Variants in GRM5 observed in about 807,000 individuals in gnomAD.
GRM5 encodes metabotropic glutamate receptor 5.
Under a neutral mutation model 83.1 loss-of-function variants are expected in GRM5, and 19 were observed. The ratio of observed to expected loss-of-function variants is 0.23; its 90% CI spans 0.16 to 0.34. GRM5 has a LOEUF of 0.34. Among genes scored for constraint, GRM5 ranks in the 10% least tolerant of loss-of-function variants. The pLI, the probability that GRM5 is intolerant of heterozygous loss-of-function variation, is 1.00. For synonymous variants in GRM5, 675 were observed against 633.6 expected, an observed-to-expected ratio of 1.07 and a Z score of -0.98; for missense variants, 1,160 against 1,588.3, an observed-to-expected ratio of 0.73 and a Z score of 4.58.
intron 2 of GRM5, among the ~76,000 whole-genome samples, chr11:88,880,199 A>G (rs1431781574): frequency 2.0e-5 from 3 of 152,144 alleles, no homozygotes; most frequent in African/African-American, 4.8e-5. Context: ...GGCAGGGAAG[A>G]GAGAGAAAAG....
intron 8 of GRM5, among the ~76,000 whole-genome samples, chr11:88,559,707 G>A (rs1327380280): frequency 6.6e-6 from 1 of 152,098 alleles, no homozygotes; most frequent in Non-Finnish European, 1.5e-5. Flanking sequence ...TTTGAGTATT[G>A]AGTATGTGAT....
intron 4 of GRM5, among the ~76,000 whole-genome samples, chr11:88,632,172 C>T (rs922577777): frequency 6.6e-6 from 1 of 151,610 alleles, no homozygotes; most frequent in Non-Finnish European, 1.5e-5. Flanking sequence ...CAGGCAACCA[C>T]TGATTTGCTT....
At chr11:88,525,820 A>C (rs1941860874) in intron 8 of GRM5, among the ~76,000 whole-genome samples, 1 of 152,230 alleles carries the variant, frequency 6.6e-6, no homozygotes, top group Non-Finnish European at 1.5e-5. Context: ...GCCCTGGGCC[A>C]GAGGCTTTGT....
At chr11:89,025,596 A>G (rs1319470967) in intron 2 of GRM5, among the ~76,000 whole-genome samples, 1 of 152,210 alleles carries the variant, frequency 6.6e-6, no homozygotes, top group Non-Finnish European at 1.5e-5. Context: ...TCACAAAGGA[A>G]GGTGCAAAAA....
intron 3 of GRM5, among the ~76,000 whole-genome samples, chr11:88,772,146 T>A (rs1487499420): frequency 6.6e-6 from 1 of 152,160 alleles, no homozygotes; most frequent in Non-Finnish European, 1.5e-5. Context: ...CTTAACATTT[T>A]ATTTTAAACA....
chr11:89,042,025 CA>C (rs1941547484), intron 2 of GRM5, among the ~76,000 whole-genome samples: 2 of 152,106 alleles, frequency 1.3e-5, no homozygotes, highest in Non-Finnish European at 1.5e-5. Flanking sequence ...GCAAATTGAT[CA>C]TGCTATTTCT....
At chr11:88,556,805 A>C (rs933270955) in intron 8 of GRM5, among the ~76,000 whole-genome samples, 2 of 152,086 alleles carry the variant, frequency 1.3e-5, no homozygotes, top group Non-Finnish European at 2.9e-5. Flanking sequence ...TCACTTCCCT[A>C]TACCACACTA....
chr11:88,624,736 T>G (rs1330874555), intron 4 of GRM5, among the ~76,000 whole-genome samples: 2 of 152,176 alleles, frequency 1.3e-5, no homozygotes, highest in Non-Finnish European at 2.9e-5. Context: ...TTGCAGAAAA[T>G]TTGCTATGTG....
At chr11:88,998,637 A>G (rs1298178453) in intron 2 of GRM5, among the ~76,000 whole-genome samples, 1 of 152,210 alleles carries the variant, frequency 6.6e-6, no homozygotes, top group African/African-American at 2.4e-5. Context: ...ATGAAGCAAT[A>G]AAACTGTTTC....
At chr11:88,598,053 T>G (rs1014682784) in intron 5 of GRM5, among the ~76,000 whole-genome samples, 1 of 152,138 alleles carries the variant, frequency 6.6e-6, no homozygotes, top group African/African-American at 2.4e-5. Flanking sequence ...TAAGCTCATT[T>G]CTAGAGAAGA....
chr11:89,051,435 C>A (rs557599625), intron 1 of GRM5, among the ~76,000 whole-genome samples: 1 of 151,944 alleles, frequency 6.6e-6, no homozygotes, highest in Non-Finnish European at 1.5e-5. Context: ...GTTGGCCAGG[C>A]GCGGTGGCTC....
chr11:88,937,112 T>G (rs1020516180), intron 2 of GRM5, among the ~76,000 whole-genome samples: 3 of 151,660 alleles, frequency 2.0e-5, no homozygotes, highest in Non-Finnish European at 4.4e-5. Flanking sequence ...CTATAACAAG[T>G]TCATTTGAGT....
intron 2 of GRM5, among the ~76,000 whole-genome samples, chr11:89,019,967 AG>A (rs1483184869): frequency 6.6e-6 from 1 of 152,198 alleles, no homozygotes; most frequent in Non-Finnish European, 1.5e-5. Flanking sequence ...CTGCAGCTGC[AG>A]CAACCATTAG....
intron 2 of GRM5, among the ~76,000 whole-genome samples, chr11:88,922,612 G>A (rs900288723): frequency 2.0e-5 from 3 of 151,970 alleles, no homozygotes; most frequent in African/African-American, 7.2e-5. Context: ...GAGACCTTAA[G>A]CTACAAAACT....
At chr11:88,806,805 G>C (rs1476427367) in intron 3 of GRM5, among the ~76,000 whole-genome samples, 2 of 151,938 alleles carry the variant, frequency 1.3e-5, no homozygotes, top group Non-Finnish European at 2.9e-5. Context: ...TTTTATACTT[G>C]TATTCTTTCA....
At chr11:88,786,383 G>T (rs761169455) in intron 3 of GRM5, among the ~76,000 whole-genome samples, 3 of 152,042 alleles carry the variant, frequency 2.0e-5, no homozygotes, top group Admixed American at 6.6e-5. Flanking sequence ...GCATTGCTTT[G>T]CCATGACTTG....
chr11:88,643,740 G>A (rs754849976), intron 4 of GRM5, among the ~76,000 whole-genome samples: 12 of 140,988 alleles, frequency 8.5e-5, no homozygotes, highest in African/African-American at 3.0e-4. Context: ...TCTCTCCCAA[G>A]CAATTCTTTT....
At chr11:88,713,323 C>T (rs1941323574) in intron 3 of GRM5, among the ~76,000 whole-genome samples, 2 of 152,076 alleles carry the variant, frequency 1.3e-5, no homozygotes, top group South Asian at 4.2e-4. Flanking sequence ...GGTAGATAAC[C>T]TGATGTCTCT....
intron 2 of GRM5, among the ~76,000 whole-genome samples, chr11:89,037,372 C>T (rs938488183): frequency 6.6e-6 from 1 of 151,950 alleles, no homozygotes; most frequent in Non-Finnish European, 1.5e-5. Flanking sequence ...CTCCATTGTC[C>T]TATCCTGATG....
Sources: allele counts gnomAD v4.1 joint callset (sites outside exome capture counted in the v4.1 genomes callset), GRCh38; gene constraint gnomAD v4.1.1; transcripts MANE v1.5; gene names NCBI Gene and HGNC (gene_info 2026-07-23, HGNC 2026-07-21).